The following NFATC2 variants were observed in gnomAD, a reference collection of about 807,000 sequenced individuals.
NFATC2 encodes nuclear factor of activated T-cells, cytoplasmic 2.
NFATC2 carries 22 observed loss-of-function variants against 87.3 expected under a neutral mutation model. The observed-to-expected ratio is 0.25, with a 90% CI of 0.18 to 0.36. NFATC2 has a LOEUF of 0.36. Among genes scored for constraint, NFATC2 ranks in the 10% least tolerant of loss-of-function variants. The probability of loss-of-function intolerance (pLI) is 1.00; values close to 1 mark genes in which losing one functional copy is unlikely to be tolerated. For missense variants in NFATC2, 1,149 were observed against 1,259.1 expected (o/e 0.91, Z 1.32); for synonymous variants, 565 against 542.2 (o/e 1.04, Z -0.58).
intron 6 of NFATC2, among the ~76,000 whole-genome samples, chr20:51,442,704 TTTG>T (rs1256251648): frequency 7.1e-5 from 7 of 98,766 alleles, no homozygotes; most frequent in African/African-American, 2.8e-4. Context: ...TTAAATAAAG[TTTG>T]TTTTTTTTTT....
chr20:51,504,611 C>T (rs910590536), intron 3 of NFATC2, among the ~76,000 whole-genome samples: 6 of 152,198 alleles, frequency 3.9e-5, no homozygotes, highest in African/African-American at 1.4e-4. Flanking sequence ...AACAAACAAA[C>T]AAAATGATTT....
intron 1 of NFATC2, among the ~76,000 whole-genome samples, chr20:51,525,422 C>A (rs2076527666): frequency 6.6e-6 from 1 of 152,154 alleles, no homozygotes; most frequent in Non-Finnish European, 1.5e-5. Context: ...TCATTTAATT[C>A]TCAGCCTGAC....
chr20:51,559,760 A>G (rs2077006146), intron 1 of NFATC2, among the ~76,000 whole-genome samples: 1 of 152,224 alleles, frequency 6.6e-6, no homozygotes, highest in African/African-American at 2.4e-5. Flanking sequence ...TGTGCTCCTT[A>G]TCTGCTATGT....
chr20:51,422,566 CCT>C lies in NFATC2; in HGVS notation c.2722+9499_2722+9500del, dbSNP rs1491139046. Reference sequence around the variant, plus strand: ...TTCATCATTCCCCAGGAAGAAAACCCCTCTTTTTTTTTTTTTTTTCTGAAAGG... The same window carrying C: ...TTCATCATTCCCCAGGAAGAAAACCCCTTTTTTTTTTTTTTTTCTGAAAGG... On this transcript the variant is annotated intron_variant, in intron 9 of 10. Coordinates refer to ENST00000371564, the MANE Select transcript of NFATC2 (RefSeq NM_012340.5). Among the ~76,000 whole-genome samples, 3 of 77,732 alleles carry C rather than the reference CCT, an allele frequency of 3.9e-5. No homozygotes were observed. In the Admixed American group the frequency reaches 5.5e-4, roughly 14 times the overall value. The allele number at this position is 77,732 out of a possible 152,430, so 51.0% of individuals were successfully genotyped here.
intron 6 of NFATC2, among the ~76,000 whole-genome samples, chr20:51,451,317 T>C (rs2146414265): frequency 6.6e-6 from 1 of 152,316 alleles, no homozygotes; most frequent in East Asian, 1.9e-4. Flanking sequence ...TTCCTTTCCT[T>C]GTCTTTCCTG....
intron 9 of NFATC2, among the ~76,000 whole-genome samples, chr20:51,400,991 C>T (rs540531872): frequency 6.6e-6 from 1 of 152,064 alleles, no homozygotes; most frequent in South Asian, 2.1e-4. Flanking sequence ...GGAACATAAG[C>T]ACTTCAACAG....
At chr20:51,401,062 C>T (rs1473661370) in intron 9 of NFATC2, among the ~76,000 whole-genome samples, 1 of 152,202 alleles carries the variant, frequency 6.6e-6, no homozygotes, top group Admixed American at 6.5e-5. Flanking sequence ...TTGGCAAAGT[C>T]ACTGAGGATT....
chr20:51,476,837 T>A (rs1988759911), intron 3 of NFATC2, among the ~76,000 whole-genome samples: 1 of 152,208 alleles, frequency 6.6e-6, no homozygotes, highest in Non-Finnish European at 1.5e-5. Flanking sequence ...TAGACAGCCA[T>A]GAGATACCAC....
chr20:51,391,412 G>T lies in NFATC2; in HGVS notation c.*84C>A. 6.7e-7 allele frequency: 1 copy of T among 1,499,874 alleles called. No individual in the cohort carries two copies. Among genetic ancestry groups the T allele is most frequent in the Non-Finnish European group, 9.0e-7 (1 of 1,111,244 alleles). 92.9% of individuals were successfully genotyped at this position (1,499,874 alleles called of 1,614,324 possible). ...TGGCTTCTTTTACGTCTGATTTCTG[G>T]CAGGAGGTCCTGAAAACTCCTTCCT... is the stretch of plus-strand genomic sequence containing the variant. On this transcript the variant is annotated 3_prime_UTR_variant, in exon 11 of 11. Coordinates refer to ENST00000371564, the MANE Select transcript of NFATC2 (RefSeq NM_012340.5).
At chr20:51,401,575 G>C (rs150340178) in intron 9 of NFATC2, among the ~76,000 whole-genome samples, 28 of 152,280 alleles carry the variant, frequency 1.8e-4, no homozygotes, top group Admixed American at 7.2e-4. Flanking sequence ...GACGTCAAGA[G>C]AAAAGGCAGT....
intron 3 of NFATC2, among the ~76,000 whole-genome samples, chr20:51,487,451 A>G (rs1989809021): frequency 6.6e-6 from 1 of 152,232 alleles, no homozygotes; most frequent in Admixed American, 6.5e-5. Context: ...TACCTATGGA[A>G]CAAACCTCTG....
At chr20:51,419,543 T>C (rs1370208595) in intron 9 of NFATC2, among the ~76,000 whole-genome samples, 1 of 152,180 alleles carries the variant, frequency 6.6e-6, no homozygotes, top group Non-Finnish European at 1.5e-5. Context: ...GGGGCCAGCA[T>C]ACCAGCCATG....
At chr20:51,537,831 C>T (rs530077129) in intron 1 of NFATC2, among the ~76,000 whole-genome samples, 4 of 152,314 alleles carry the variant, frequency 2.6e-5, no homozygotes, top group South Asian at 2.1e-4. Flanking sequence ...TTGTCTCCTC[C>T]ACTAGAAAGA....
At chr20:51,496,170 G>A (rs557245129) in intron 3 of NFATC2, among the ~76,000 whole-genome samples, 2 of 152,270 alleles carry the variant, frequency 1.3e-5, no homozygotes, top group African/African-American at 2.4e-5. Flanking sequence ...AGGGAGGATC[G>A]AAGCGCAGCT....
chr20:51,398,295 G>C (rs1014471873), intron 10 of NFATC2, among the ~76,000 whole-genome samples: 1 of 152,054 alleles, frequency 6.6e-6, no homozygotes, highest in African/African-American at 2.4e-5. Context: ...ACCACGGATG[G>C]AGAGCCTCAT....
chr20:51,556,503 A>G (rs1359288807), intron 1 of NFATC2, among the ~76,000 whole-genome samples: 1 of 152,162 alleles, frequency 6.6e-6, no homozygotes, highest in African/African-American at 2.4e-5. Flanking sequence ...TATCTGCCTC[A>G]TTCACCGCTG....
intron 5 of NFATC2, among the ~76,000 whole-genome samples, chr20:51,468,158 T>A (rs115425544): frequency 0.012 from 1,896 of 152,224 alleles, 39 homozygotes; most frequent in African/African-American, 0.043. Context: ...CCTCCGTGTG[T>A]GGGCTTGAGG....
Position 51,390,470 on chromosome 20 carries a change from C to T in NFATC2, c.*1026G>A, listed in dbSNP as rs749138522. 4.6e-5 allele frequency: 7 copies of T among 152,216 alleles called. No homozygotes were observed. Among genetic ancestry groups the T allele is most frequent in the African/African-American group, 7.2e-5 (3 of 41,456 alleles). The allele number at this position is 152,216 out of a possible 1,614,324, so 9.4% of individuals were successfully genotyped here. A position where few individuals can be genotyped will look rare whatever the true frequency, so the allele number is the denominator to read the frequency against. On this transcript the variant is annotated 3_prime_UTR_variant, in exon 11 of 11. Coordinates refer to ENST00000371564, the MANE Select transcript of NFATC2 (RefSeq NM_012340.5). The stretch of plus-strand genomic sequence containing the variant: ...AATGCACATGCTTGAGATTCTCCAC[C>T]GCTTTACGGAAAAGCACTCTGGCTG...
chr20:51,479,697 G>A (rs1451365370), intron 3 of NFATC2, among the ~76,000 whole-genome samples: 1 of 152,158 alleles, frequency 6.6e-6, no homozygotes, highest in Non-Finnish European at 1.5e-5. Context: ...CACACTTGAT[G>A]TTTTACACAT....
Sources: allele counts gnomAD v4.1 joint callset (sites outside exome capture counted in the v4.1 genomes callset), GRCh38; gene constraint gnomAD v4.1.1; transcripts MANE v1.5; gene names NCBI Gene and HGNC (gene_info 2026-07-23, HGNC 2026-07-21).